The following ZC3H12D variants were observed in gnomAD, a reference collection of about 807,000 sequenced individuals.
ZC3H12D encodes probable ribonuclease ZC3H12D.
ZC3H12D carries 11 observed loss-of-function variants against 24.2 expected under a neutral mutation model. The ratio of observed to expected loss-of-function variants is 0.46; its 90% CI spans 0.29 to 0.75. ZC3H12D has a LOEUF of 0.75. Ranked by LOEUF, ZC3H12D falls within the 30% of genes least tolerant of loss-of-function variation. The probability of loss-of-function intolerance (pLI) is 0.11; values close to 1 mark genes in which losing one functional copy is unlikely to be tolerated. For missense variants in ZC3H12D, 740 were observed against 767.7 expected (o/e 0.96, Z 0.43); for synonymous variants, 333 against 341.8 (o/e 0.97, Z 0.28).
chr6:149,484,109 T>C lies in ZC3H12D; in HGVS notation c.-71+704A>G, dbSNP rs139874394. 1.5e-3 allele frequency among the ~76,000 whole-genome samples: 222 copies of C among 152,304 alleles called. 1 individual carries two copies. Among genetic ancestry groups the C allele is most frequent in the Non-Finnish European group, 2.1e-3 (143 of 68,026 alleles). ...GATCCACATCCCGGAGCAACTCTAC[T>C]GTAGTCCACACCCCAGCCTGTTCAC... On this transcript the variant is annotated intron_variant, in intron 1 of 5. Transcript: ENST00000409806.
chr6:149,478,043 T>C (rs1172558620), intron 1 of ZC3H12D, among the ~76,000 whole-genome samples: 2 of 151,836 alleles, frequency 1.3e-5, no homozygotes, highest in Non-Finnish European at 2.9e-5. Context: ...GGGGTGCACC[T>C]GTAGTCTCAG....
chr6:149,476,811 A>AAATAG (rs58370843), intron 1 of ZC3H12D, among the ~76,000 whole-genome samples: 9 of 151,008 alleles, frequency 6.0e-5, no homozygotes, highest in South Asian at 4.2e-4. Flanking sequence ...CTGTCTAAAA[A>AAATAG]AATAGAATAG....
chr6:149,459,585 C>T (rs961789881), intron 3 of ZC3H12D: 14 of 702,964 alleles, frequency 2.0e-5, no homozygotes, highest in African/African-American at 5.9e-5. Context: ...GAGTGGAAGT[C>T]GGGCAAAATC....
chr6:149,469,319 G>T (rs1232313744), intron 2 of ZC3H12D, among the ~76,000 whole-genome samples: 1 of 152,178 alleles, frequency 6.6e-6, no homozygotes, highest in African/African-American at 2.4e-5. Flanking sequence ...TTAGCTGGAC[G>T]TGGTGGCGGG....
intron 2 of ZC3H12D, among the ~76,000 whole-genome samples, chr6:149,463,031 C>G (rs1776100122): frequency 6.6e-6 from 1 of 152,156 alleles, no homozygotes; most frequent in South Asian, 2.1e-4. Flanking sequence ...TACATGTAGC[C>G]TATTAGTTCT....
Position 149,451,413 on chromosome 6 carries a change from A to T in ZC3H12D, c.854T>A (p.Leu285Gln). Residue 285 changes from leucine to glutamine, a missense_variant, in exon 6 of 6, where the codon CTG becomes CAG. Physicochemically the swap from Leu to Gln is moderately radical, Grantham distance 113. Transcript: ENST00000409806. ...YHPERPHHAQ[L>Q]AVADELRAKT... Reference sequence around the variant, plus strand: ...GGCGCGGAGCTCGTCGGCCACCGCCAGTTGCGCGTGGTGCGGCCTCTCCGG... The same window carrying T: ...GGCGCGGAGCTCGTCGGCCACCGCCTGTTGCGCGTGGTGCGGCCTCTCCGG... The T allele has an allele frequency of 6.4e-7, 1 of 1,567,346 alleles. No homozygotes were observed. The highest frequency in any genetic ancestry group is 8.6e-7 in the Non-Finnish European group (1 of 1,166,702).
rs368346798 is a variant in ZC3H12D at position 149,482,266 on chromosome 6, T to C, written c.-71+2547A>G. On this transcript the variant is annotated intron_variant, in intron 1 of 5. Coordinates refer to ENST00000409806, the MANE Select transcript of ZC3H12D (RefSeq NM_207360.3). ...GGGGACAGGAGTGGGGTGCTGCTCT[T>C]AGGAGCCCACTCGGCCCTGGAGCCG... 7.5e-4 allele frequency among the ~76,000 whole-genome samples: 114 copies of C among 152,372 alleles called. No individual in the cohort carries two copies. In the East Asian group the frequency reaches 0.02, roughly 26 times the overall value.
At chr6:149,473,001 C>A (rs1350685448) in intron 2 of ZC3H12D, among the ~76,000 whole-genome samples, 1 of 152,180 alleles carries the variant, frequency 6.6e-6, no homozygotes, top group East Asian at 1.9e-4. Context: ...GTTTACCTAT[C>A]TGGTGCCTAT....
rs1047808980 is a variant in ZC3H12D at position 149,451,046 on chromosome 6, G to A, written c.1221C>T (p.Pro407=). 2 of 1,419,126 alleles carry A rather than the reference G, an allele frequency of 1.4e-6. No individual in the cohort carries two copies. The highest frequency in any genetic ancestry group is 1.5e-5 in the African/African-American group (1 of 66,840). The allele number at this position is 1,419,126 out of a possible 1,614,324, so 87.9% of individuals were successfully genotyped here. Residue 407 remains proline (P), a synonymous_variant, in exon 6 of 6, where the codon CCC becomes CCT. Transcript: ENST00000409806. Reference sequence around the variant, plus strand: ...CGCCCCGCGGCTGGAGCTGCAGGCCGGGCGGAGGCGGGAGGTCGCCCGGGG... The same window carrying A: ...CGCCCCGCGGCTGGAGCTGCAGGCCAGGCGGAGGCGGGAGGTCGCCCGGGG... ...QFSPGDLPPP[P]GLQLQPRGEH... is the part of the protein sequence containing the mutation.
rs752544050 is a variant in ZC3H12D, at chr6:149,450,965, G to A, written c.1302C>T (p.Asp434=). 2 of 1,525,498 alleles carry A rather than the reference G, an allele frequency of 1.3e-6. No individual in the cohort carries two copies. Among genetic ancestry groups the A allele is most frequent in the African/African-American group, 2.8e-5 (2 of 72,224 alleles). 94.5% of individuals were successfully genotyped at this position (1,525,498 alleles called of 1,614,324 possible). ...AGCGGGGTGGACGGGCCCACGGGTC[G>A]TCGGGTGGCCTGCGCGGGGAAAGCA... The part of the protein sequence containing the change: ...GDLLSPRRPP[D]DPWARPPRSD... The change falls in exon 6 of 6, where the codon GAC becomes GAT. Residue 434 remains aspartate (D), a synonymous_variant. Transcript: ENST00000409806.
At position 149,450,851 on chromosome 6, in the gene ZC3H12D, G is replaced by A; in HGVS notation, c.1416C>T (p.Asp472=). ...TGGLSVYATE[D]DEGDARARAR... is the part of the protein sequence containing the mutation. Reference sequence around the variant, plus strand: ...CCCGGGCGCGCGCGTCCCCCTCGTCGTCCTCGGTCGCGTACACTGAAAGTC... The same window carrying A: ...CCCGGGCGCGCGCGTCCCCCTCGTCATCCTCGGTCGCGTACACTGAAAGTC... Residue 472 remains aspartate, a synonymous_variant, in exon 6 of 6, where the codon GAC becomes GAT. Transcript: ENST00000409806. The A allele has an allele frequency of 1.3e-6, 2 of 1,544,078 alleles. No individual in the cohort carries two copies. The highest frequency in any genetic ancestry group is 1.7e-6 in the Non-Finnish European group (2 of 1,146,690).
intron 2 of ZC3H12D, among the ~76,000 whole-genome samples, chr6:149,468,192 G>A (rs1776191044): frequency 6.6e-6 from 1 of 152,072 alleles, no homozygotes; most frequent in Non-Finnish European, 1.5e-5. Flanking sequence ...CGTTGGTCAG[G>A]CTGGTCTCAA....
At chr6:149,473,832 G>A (rs756476494) in intron 2 of ZC3H12D, among the ~76,000 whole-genome samples, 73 of 152,038 alleles carry the variant, frequency 4.8e-4, no homozygotes, top group African/African-American at 1.6e-3. Context: ...TCTCGCAGCC[G>A]GTTAGGGACA....
At chr6:149,472,343 C>T (rs560855600) in intron 2 of ZC3H12D, among the ~76,000 whole-genome samples, 23 of 152,142 alleles carry the variant, frequency 1.5e-4, no homozygotes, top group Non-Finnish European at 2.9e-4. Flanking sequence ...TGTGTAGACA[C>T]ATTGTGTGTG....
At chr6:149,457,842 C>T (rs1776008350) in intron 3 of ZC3H12D, among the ~76,000 whole-genome samples, 8 of 152,120 alleles carry the variant, frequency 5.3e-5, no homozygotes, top group Admixed American at 5.2e-4. Context: ...AGTCCTTTCC[C>T]ATATGACACT....
rs537975143 is a variant in ZC3H12D, at chr6:149,474,502, G to A, written c.42C>T (p.Gly14=). Residue 14 remains glycine, a synonymous_variant, in exon 2 of 6, where the codon GGC becomes GGT. Transcript: ENST00000409806. The part of the protein sequence containing the change: ...PSKMEFFQKL[G]YDREDVLRVL... Reference sequence around the variant, plus strand: ...CCCGGAGCACATCCTCCCGGTCATAGCCCAGCTTCTGGAAGAATTCCATCT... The same window carrying A: ...CCCGGAGCACATCCTCCCGGTCATAACCCAGCTTCTGGAAGAATTCCATCT... 109 of 1,551,912 alleles carry A rather than the reference G, an allele frequency of 7.0e-5. No individual in the cohort carries two copies. The East Asian group carries it at 2.3e-3, about 33-fold the overall frequency.
intron 2 of ZC3H12D, among the ~76,000 whole-genome samples, chr6:149,471,652 C>T (rs748852538): frequency 5.9e-5 from 9 of 152,230 alleles, no homozygotes; most frequent in Admixed American, 1.3e-4. Flanking sequence ...CATTTCAGGC[C>T]ATTGCTGGCT....
chr6:149,481,722 G>A (rs1776428717), intron 1 of ZC3H12D, among the ~76,000 whole-genome samples: 1 of 148,774 alleles, frequency 6.7e-6, no homozygotes, highest in Non-Finnish European at 1.5e-5. Context: ...CTGGTGGGAA[G>A]ATGGGGTAGA....
At chr6:149,465,950 T>G (rs1776154879) in intron 2 of ZC3H12D, among the ~76,000 whole-genome samples, 1 of 151,760 alleles carries the variant, frequency 6.6e-6, no homozygotes, top group Admixed American at 6.6e-5. Flanking sequence ...GAACCTTTGT[T>G]TTTCAGCACA....
Sources: gnomAD v4.1 joint callset for allele counts (sites outside exome capture counted in the v4.1 genomes callset) on GRCh38, gnomAD v4.1.1 for gene constraint, MANE v1.5 for transcripts, NCBI Gene and HGNC (gene_info 2026-07-23, HGNC 2026-07-21) for gene names.